Variants in ERBB4 observed in about 807,000 individuals in gnomAD.
The protein encoded by ERBB4 is erb-b2 receptor tyrosine kinase 4.
ERBB4 carries 42 observed loss-of-function variants against 158.0 expected under a neutral mutation model. The ratio of observed to expected loss-of-function variants is 0.27; its 90% CI spans 0.21 to 0.34. The LOEUF (loss-of-function observed/expected upper bound fraction) is 0.34, where lower values mean the gene tolerates loss of function less well. ERBB4 is among the 10% of genes least tolerant of loss of function. The pLI is 1.00. For missense variants in ERBB4, 1,333 were observed against 1,624.1 expected, an observed-to-expected ratio of 0.82 and a Z score of 3.08; for synonymous variants, 583 against 558.7, an observed-to-expected ratio of 1.04 and a Z score of -0.61.
At chr2:211,934,860 G>C (rs1467667905) in intron 3 of ERBB4, among the ~76,000 whole-genome samples, 1 of 140,968 alleles carries the variant, frequency 7.1e-6, no homozygotes, top group African/African-American at 2.6e-5. Flanking sequence ...TATACAATCT[G>C]TATCTCTTTT....
At chr2:211,827,915 C>G (rs887840201) in intron 3 of ERBB4, among the ~76,000 whole-genome samples, 4 of 152,136 alleles carry the variant, frequency 2.6e-5, no homozygotes, top group Admixed American at 1.3e-4. Context: ...AAGACACATT[C>G]ATGATCATTC....
chr2:212,115,640 TTTGTTAC>T (rs1299119069), intron 2 of ERBB4, among the ~76,000 whole-genome samples: 1 of 152,112 alleles, frequency 6.6e-6, no homozygotes, highest in African/African-American at 2.4e-5. Context: ...GTAAAATGGA[TTTGTTAC>T]TTGACTTCTC....
intron 1 of ERBB4, among the ~76,000 whole-genome samples, chr2:212,465,551 T>A (rs1233113245): frequency 1.3e-5 from 2 of 152,148 alleles, no homozygotes; most frequent in Non-Finnish European, 2.9e-5. Context: ...GTAAGCAAAT[T>A]ACCTAGGATC....
intron 1 of ERBB4, among the ~76,000 whole-genome samples, chr2:212,192,192 G>GAT (rs1040876338): frequency 1.8e-5 from 2 of 108,882 alleles, no homozygotes; most frequent in Non-Finnish European, 3.6e-5. Context: ...TATAATATTA[G>GAT]ATATATATAT....
intron 3 of ERBB4, among the ~76,000 whole-genome samples, chr2:211,836,905 A>G (rs140719888): frequency 0.019 from 2,823 of 152,124 alleles, 39 homozygotes; most frequent in Middle Eastern, 0.034. Flanking sequence ...ACAAAGGCAC[A>G]ATGGGAGCCA....
intron 1 of ERBB4, among the ~76,000 whole-genome samples, chr2:212,525,402 TATG>T (rs1692395637): frequency 6.6e-6 from 1 of 151,984 alleles, no homozygotes; most frequent in South Asian, 2.1e-4. Flanking sequence ...CCACTGGAAA[TATG>T]ATGAGATGAA....
chr2:212,356,961 T>C (rs2089484215), intron 1 of ERBB4, among the ~76,000 whole-genome samples: 1 of 151,916 alleles, frequency 6.6e-6, no homozygotes, highest in African/African-American at 2.4e-5. Context: ...TTTCCTCTCA[T>C]TATCATTTTA....
chr2:212,364,300 C>T (rs2089800042), intron 1 of ERBB4, among the ~76,000 whole-genome samples: 1 of 151,578 alleles, frequency 6.6e-6, no homozygotes, highest in Non-Finnish European at 1.5e-5. Context: ...TCCAAGTTGT[C>T]CTGTGCCCAA....
At chr2:212,165,794 T>G (rs2081329633) in intron 1 of ERBB4, among the ~76,000 whole-genome samples, 2 of 152,012 alleles carry the variant, frequency 1.3e-5, no homozygotes, top group Admixed American at 6.6e-5. Context: ...ATAAACAATT[T>G]TTGGGTTAAA....
intron 20 of ERBB4, among the ~76,000 whole-genome samples, chr2:211,475,059 G>A (rs563002626): frequency 6.6e-6 from 1 of 152,128 alleles, no homozygotes; most frequent in East Asian, 1.9e-4. Flanking sequence ...TAATTGCAAT[G>A]CATTATCCCA....
intron 3 of ERBB4, among the ~76,000 whole-genome samples, chr2:211,853,012 C>T (rs1391767972): frequency 6.6e-6 from 1 of 152,006 alleles, no homozygotes; most frequent in Non-Finnish European, 1.5e-5. Flanking sequence ...TCACAGCCTA[C>T]TACTGGATCT....
intron 2 of ERBB4, among the ~76,000 whole-genome samples, chr2:211,977,531 T>TAAAAAAAAAAAAAAAAAAAA (rs370595284): frequency 5.9e-5 from 4 of 67,622 alleles, no homozygotes; most frequent in Admixed American, 2.7e-4. Context: ...ATATTGACTT[T>TAAAAAAAAAAAAAAAAAAAA]AAAAAAAAAA....
chr2:212,434,869 T>C (rs1415159601), intron 1 of ERBB4, among the ~76,000 whole-genome samples: 1 of 152,008 alleles, frequency 6.6e-6, no homozygotes, highest in Non-Finnish European at 1.5e-5. Flanking sequence ...ATGTAAAATA[T>C]CAACAAGTTT....
At chr2:211,452,339 G>A (rs751842173) in intron 20 of ERBB4, among the ~76,000 whole-genome samples, 10 of 152,042 alleles carry the variant, frequency 6.6e-5, no homozygotes, top group Middle Eastern at 3.4e-3. Context: ...TATCACGCCC[G>A]GCTAATTTTT....
chr2:211,693,057 C>T (rs77153438), intron 12 of ERBB4, among the ~76,000 whole-genome samples: 1,939 of 152,260 alleles, frequency 0.013, 37 homozygotes, highest in African/African-American at 0.045. Context: ...TTGTTGTTAA[C>T]TCTTATATAC....
intron 12 of ERBB4, among the ~76,000 whole-genome samples, chr2:211,684,214 G>A (rs150297382): frequency 9.9e-5 from 15 of 152,096 alleles, no homozygotes; most frequent in African/African-American, 3.4e-4. Flanking sequence ...CATTTTGAGA[G>A]GCCAAAGCTG....
chr2:212,317,109 C>T (rs573639802), intron 1 of ERBB4, among the ~76,000 whole-genome samples: 3 of 151,566 alleles, frequency 2.0e-5, no homozygotes, highest in African/African-American at 7.2e-5. Context: ...CTGAGAAAAA[C>T]TCACAATGTC....
intron 25 of ERBB4, among the ~76,000 whole-genome samples, chr2:211,396,496 G>T (rs1189507189): frequency 6.6e-6 from 1 of 152,056 alleles, no homozygotes; most frequent in Non-Finnish European, 1.5e-5. Flanking sequence ...CTTCTCTTTA[G>T]TAATAACCCA....
At chr2:211,695,006 T>A (rs1359696999) in intron 12 of ERBB4, among the ~76,000 whole-genome samples, 1 of 152,210 alleles carries the variant, frequency 6.6e-6, no homozygotes, top group Non-Finnish European at 1.5e-5. Context: ...GACGACGATA[T>A]AAAGTCTGTT....
Sources: gnomAD v4.1 joint callset for allele counts (sites outside exome capture counted in the v4.1 genomes callset) on GRCh38, gnomAD v4.1.1 for gene constraint, MANE v1.5 for transcripts, NCBI Gene and HGNC (gene_info 2026-07-23, HGNC 2026-07-21) for gene names.